Variants in SEMA3A observed in about 807,000 individuals in gnomAD.
The protein encoded by SEMA3A is semaphorin-3A.
In SEMA3A, 29 loss-of-function variants were observed where a neutral mutation model predicts 97.9. The ratio of observed to expected loss-of-function variants is 0.30; its 90% CI spans 0.22 to 0.40. The LOEUF (loss-of-function observed/expected upper bound fraction) is 0.40, where lower values mean the gene tolerates loss of function less well. Ranked by LOEUF, SEMA3A falls within the 10% of genes least tolerant of loss-of-function variation. The probability of loss-of-function intolerance (pLI) is 1.00; values close to 1 mark genes in which losing one functional copy is unlikely to be tolerated. For synonymous variants in SEMA3A, 321 were observed against 323.7 expected, an observed-to-expected ratio of 0.99 and a Z score of 0.09; for missense variants, 763 against 951.3, an observed-to-expected ratio of 0.80 and a Z score of 2.60.
At chr7:84,046,477 A>C (rs1792357006) in intron 5 of SEMA3A, 34 bp from the exon 6 acceptor site, 2 of 1,609,974 alleles carry the variant, frequency 1.2e-6, no homozygotes, top group South Asian at 2.2e-5. Context: ...CACATTCTTT[A>C]ATTCAATTAA....
At chr7:84,227,116 G>T (rs1204551324) in intron 3 of SEMA3A, among the ~76,000 whole-genome samples, 1 of 151,504 alleles carries the variant, frequency 6.6e-6, no homozygotes, top group East Asian at 1.9e-4. Flanking sequence ...TTTCTCTATT[G>T]GCGATATCTA....
At chr7:84,394,930 C>T (rs544567553) in intron 1 of SEMA3A, among the ~76,000 whole-genome samples, 1 of 152,196 alleles carries the variant, frequency 6.6e-6, no homozygotes, top group South Asian at 2.1e-4. Context: ...CAAAAGTTAA[C>T]TTTTACCCTT....
intron 1 of SEMA3A, among the ~76,000 whole-genome samples, chr7:84,448,059 G>A (rs1289644816): frequency 8.5e-5 from 13 of 152,186 alleles, no homozygotes; most frequent in Admixed American, 7.9e-4. Context: ...GCCAGACCCC[G>A]CATTCACTTG....
At chr7:84,078,337 T>A (rs1052724149) in intron 4 of SEMA3A, among the ~76,000 whole-genome samples, 1 of 152,038 alleles carries the variant, frequency 6.6e-6, no homozygotes, top group Non-Finnish European at 1.5e-5. Context: ...CAAGGGAGAA[T>A]TTAATGTTTC....
chr7:84,442,341 G>A (rs1390650122), intron 1 of SEMA3A, among the ~76,000 whole-genome samples: 1 of 152,060 alleles, frequency 6.6e-6, no homozygotes, highest in Admixed American at 6.6e-5. Flanking sequence ...ATGGGGAGAA[G>A]CCTCTTAAAT....
At chr7:84,279,442 C>A (rs973468541) in intron 3 of SEMA3A, among the ~76,000 whole-genome samples, 1 of 89,840 alleles carries the variant, frequency 1.1e-5, no homozygotes, top group African/African-American at 5.7e-5. Context: ...AAAATCAATA[C>A]CCTATAATCT....
intron 1 of SEMA3A, among the ~76,000 whole-genome samples, chr7:84,374,691 A>C (rs1481377098): frequency 1.3e-5 from 2 of 152,230 alleles, no homozygotes; most frequent in Admixed American, 6.5e-5. Context: ...AAGAGAGAAG[A>C]GTTGGACTTA....
chr7:84,030,995 T>TG (rs998856947), intron 6 of SEMA3A, among the ~76,000 whole-genome samples: 2 of 141,922 alleles, frequency 1.4e-5, no homozygotes, highest in African/African-American at 5.4e-5. Context: ...AAGTTTTTTT[T>TG]TTTTTTTTTT....
chr7:84,375,163 G>A (rs1803067452), intron 1 of SEMA3A, among the ~76,000 whole-genome samples: 1 of 152,038 alleles, frequency 6.6e-6, no homozygotes, highest in Non-Finnish European at 1.5e-5. Flanking sequence ...GGGATTACAG[G>A]CACCCGCCAA....
At chr7:84,434,642 T>G (rs1260222974) in intron 1 of SEMA3A, among the ~76,000 whole-genome samples, 1 of 152,122 alleles carries the variant, frequency 6.6e-6, no homozygotes, top group African/African-American at 2.4e-5. Context: ...TCCAGCAGCA[T>G]GTCAAAGAGT....
At chr7:84,008,969 C>T (rs191258326) in intron 9 of SEMA3A, among the ~76,000 whole-genome samples, 13 of 152,186 alleles carry the variant, frequency 8.5e-5, no homozygotes, top group Admixed American at 1.3e-4. Flanking sequence ...CAGCTATCAT[C>T]GAAATACTTA....
chr7:84,327,961 A>C (rs1399076891), intron 2 of SEMA3A, among the ~76,000 whole-genome samples: 1 of 152,018 alleles, frequency 6.6e-6, no homozygotes, highest in East Asian at 1.9e-4. Flanking sequence ...TCTCCACACA[A>C]TTAATCAAAC....
chr7:84,429,258 T>A (rs975095714), intron 1 of SEMA3A, among the ~76,000 whole-genome samples: 2 of 151,720 alleles, frequency 1.3e-5, no homozygotes, highest in African/African-American at 4.8e-5. Context: ...AAAACATTTC[T>A]GTGCTTTTCC....
At chr7:83,983,193 T>C (rs1199967472) in intron 13 of SEMA3A, among the ~76,000 whole-genome samples, 5 of 150,790 alleles carry the variant, frequency 3.3e-5, no homozygotes, top group East Asian at 1.9e-4. Context: ...TTCTCTCTCT[T>C]TCTTTCTTTC....
At chr7:84,447,240 C>T (rs1156272943) in intron 1 of SEMA3A, among the ~76,000 whole-genome samples, 2 of 152,196 alleles carry the variant, frequency 1.3e-5, no homozygotes, top group Non-Finnish European at 2.9e-5. Flanking sequence ...GGCAGCTTGG[C>T]ATGGGCCTGC....
At chr7:84,175,985 C>T (rs1350232497) in intron 1 of SEMA3A, among the ~76,000 whole-genome samples, 2 of 152,138 alleles carry the variant, frequency 1.3e-5, no homozygotes, top group Non-Finnish European at 2.9e-5. Context: ...CTCAGCACTC[C>T]TATCACTTTA....
At position 84,412,725 on chromosome 7, in the gene SEMA3A, T is replaced by C. The variant is rs192297138; in HGVS notation, c.-245-40825A>G. Among the ~76,000 whole-genome samples the C allele has an allele frequency of 2.5e-3, 374 of 152,300 alleles. 1 individual carries two copies. Among genetic ancestry groups the C allele is most frequent in the African/African-American group, 8.6e-3 (357 of 41,558 alleles). On this transcript the variant is annotated intron_variant, in intron 1 of 3. Coordinates refer to the SEMA3A transcript ENST00000424555. Reference sequence around the variant, plus strand: ...AGCCTTTTTATTTGTCAATGAGGGATTGTTAAAGCTTCTAAACTATTTCCA... The same window carrying C: ...AGCCTTTTTATTTGTCAATGAGGGACTGTTAAAGCTTCTAAACTATTTCCA...
chr7:84,359,229 G>A (rs1323387399), intron 2 of SEMA3A, among the ~76,000 whole-genome samples: 5 of 152,098 alleles, frequency 3.3e-5, no homozygotes, highest in African/African-American at 1.2e-4. Context: ...TTTTCCAAGG[G>A]AATGCTTCCA....
chr7:84,324,642 AAC>A (rs1307331387), intron 2 of SEMA3A, among the ~76,000 whole-genome samples: 2 of 152,204 alleles, frequency 1.3e-5, no homozygotes, highest in African/African-American at 4.8e-5. Context: ...TTTTAACTTT[AAC>A]AAGAAAATTC....
Sources: allele counts gnomAD v4.1 joint callset (sites outside exome capture counted in the v4.1 genomes callset), GRCh38; gene constraint gnomAD v4.1.1; transcripts MANE v1.5; gene names NCBI Gene and HGNC (gene_info 2026-07-23, HGNC 2026-07-21).